Variants in LPA observed in about 807,000 individuals in gnomAD.
LPA encodes the protein apolipoprotein(a).
A neutral mutation model predicts 197.9 loss-of-function variants in LPA; 199 were observed. That is an observed-to-expected ratio of 1.01 (90% CI 0.90 to 1.13). The LOEUF is 1.13. LPA is among the 50% of genes most tolerant of loss of function. The pLI, the probability that LPA is intolerant of heterozygous loss-of-function variation, is 0.00. For missense variants in LPA, 1,853 were observed against 1,785.8 expected, an observed-to-expected ratio of 1.04 and a Z score of -0.68; for synonymous variants, 715 against 639.5, an observed-to-expected ratio of 1.12 and a Z score of -1.78.
At chr6:160,552,769 T>C (rs564788546) in intron 30 of LPA, among the ~76,000 whole-genome samples, 3 of 152,344 alleles carry the variant, frequency 2.0e-5, no homozygotes, top group African/African-American at 7.2e-5. Flanking sequence ...CACACTTAGC[T>C]GTGGTTTTTA....
intron 28 of LPA, among the ~76,000 whole-genome samples, chr6:160,567,817 C>T (rs1347086177): frequency 2.0e-5 from 3 of 152,160 alleles, no homozygotes; most frequent in African/African-American, 7.2e-5. Context: ...GGGGATATCA[C>T]TACCAATCCC....
intron 28 of LPA, among the ~76,000 whole-genome samples, chr6:160,568,328 T>C (rs1778500522): frequency 6.6e-6 from 1 of 151,132 alleles, no homozygotes; most frequent in Non-Finnish European, 1.5e-5. Flanking sequence ...GCAAGGCTGG[T>C]TCAACATATG....
chr6:160,607,750 C>G (rs1779390046), intron 16 of LPA, among the ~76,000 whole-genome samples: 1 of 152,126 alleles, frequency 6.6e-6, no homozygotes, highest in South Asian at 2.1e-4. Context: ...CCCTCCATTC[C>G]AGGAAGCTGG....
Position 160,531,608 on chromosome 6 carries a change from A to G in LPA, c.*121T>C, listed in dbSNP as rs930824083. ...AATACCAAAAATGCCAAGGTTTGGC[A>G]TAGCTGGTAGCTGGGAACAGTGTCT... On this transcript the variant is annotated 3_prime_UTR_variant, in exon 39 of 39. Coordinates refer to ENST00000316300, the MANE Select transcript of LPA (RefSeq NM_005577.4). The G allele has an allele frequency of 2.2e-6, 3 of 1,380,268 alleles. No individual in the cohort carries two copies. Among genetic ancestry groups the G allele is most frequent in the Admixed American group, 1.7e-5 (1 of 57,314 alleles). 85.5% of individuals were successfully genotyped at this position (1,380,268 alleles called of 1,614,324 possible).
At chr6:160,608,565 A>C (rs1779410201) in intron 16 of LPA, among the ~76,000 whole-genome samples, 1 of 152,158 alleles carries the variant, frequency 6.6e-6, no homozygotes, top group South Asian at 2.1e-4. Context: ...GTGAAGTACA[A>C]AAGTGCATCA....
chr6:160,596,778 A>G (rs1779141625), intron 20 of LPA, among the ~76,000 whole-genome samples: 1 of 152,160 alleles, frequency 6.6e-6, no homozygotes, highest in African/African-American at 2.4e-5. Flanking sequence ...TTGCAGTTTG[A>G]AATCTTGATT....
intron 16 of LPA, among the ~76,000 whole-genome samples, chr6:160,608,788 G>T (rs1779416033): frequency 6.6e-6 from 1 of 150,858 alleles, no homozygotes; most frequent in African/African-American, 2.5e-5. Context: ...GTGAGGTTCG[G>T]TTGGTTTTCT....
At chr6:160,541,229 C>A in intron 34 of LPA, 48 bp from the exon 35 acceptor site, 1 of 1,324,062 alleles carries the variant, frequency 7.6e-7, no homozygotes, top group Non-Finnish European at 1.1e-6. Flanking sequence ...ATGGTTTGTT[C>A]TACTTCATTG....
In LPA at chr6:160,599,573, C is replaced by A. The variant is rs775306650; in HGVS notation, c.3214G>T (p.Gly1072Ter). The A allele has an allele frequency of 6.2e-7, 1 of 1,614,082 alleles. No individual in the cohort carries two copies. ...YRGTYSTTVTGRTCQAWSSMT... is the reference protein window; with the variant it reads ...YRGTYSTTVT ...GATGACCAAGCTTGGCAAGTTCTTC[C>A]TGTGACAGTGGTGGAGTATGTGCCT... is the stretch of plus-strand genomic sequence containing the variant. The change falls in exon 20 of 39, where the codon GGA becomes TGA. Residue 1072 changes from glycine to a stop codon, truncating the protein, a stop_gained. Transcript: ENST00000316300. LOFTEE classifies it high-confidence loss of function.
chr6:160,599,746 G>T (rs1779202943), intron 19 of LPA, 87 bp from the exon 20 acceptor site: 1 of 1,439,890 alleles, frequency 6.9e-7, no homozygotes, highest in Admixed American at 1.7e-5. Flanking sequence ...CCAAAAAAGA[G>T]TCACTGAGAT....
chr6:160,599,350 CAA>C, intron 20 of LPA, 148 bp downstream of exon 20: 2 of 1,261,670 alleles, frequency 1.6e-6, no homozygotes, highest in South Asian at 2.5e-5. Flanking sequence ...CTCAAAAAAA[CAA>C]AGTCTTCTCT....
intron 24 of LPA, among the ~76,000 whole-genome samples, chr6:160,587,998 CTT>C (rs1282223930): frequency 6.6e-6 from 1 of 151,942 alleles, no homozygotes; most frequent in Non-Finnish European, 1.5e-5. Flanking sequence ...TGCTATTCTG[CTT>C]TTGTTTCTCT....
intron 18 of LPA, among the ~76,000 whole-genome samples, chr6:160,601,774 G>A (rs1303634513): frequency 6.6e-6 from 1 of 152,212 alleles, no homozygotes; most frequent in African/African-American, 2.4e-5. Context: ...CAGGCAGGAT[G>A]CAGTATCTCT....
intron 27 of LPA, among the ~76,000 whole-genome samples, chr6:160,578,103 AT>A (rs1307267093): frequency 6.6e-6 from 1 of 152,212 alleles, no homozygotes; most frequent in African/African-American, 2.4e-5. Context: ...CTAGGATATC[AT>A]ACTCAAAGGC....
intron 22 of LPA, 89 bp downstream of exon 22, chr6:160,593,869 T>A (rs1779078566): frequency 6.7e-7 from 1 of 1,488,156 alleles, no homozygotes; most frequent in African/African-American, 1.4e-5. Context: ...GAGATAAATT[T>A]GTCATAAGAA....
intron 30 of LPA, among the ~76,000 whole-genome samples, chr6:160,553,959 G>A (rs540202401): frequency 2.4e-4 from 35 of 148,500 alleles, no homozygotes; most frequent in East Asian, 1.9e-3. Context: ...GTGTGTGCGC[G>A]CGCGCGCGTG....
intron 20 of LPA, among the ~76,000 whole-genome samples, chr6:160,598,184 T>C (rs1292749352): frequency 2.0e-5 from 3 of 152,226 alleles, no homozygotes; most frequent in African/African-American, 7.2e-5. Context: ...TGTTCCCTTG[T>C]AGTTGTTGTT....
intron 28 of LPA, among the ~76,000 whole-genome samples, chr6:160,562,095 C>T (rs1450129096): frequency 6.6e-6 from 1 of 152,144 alleles, no homozygotes; most frequent in African/African-American, 2.4e-5. Flanking sequence ...ACAGAATTTC[C>T]AATACTATGT....
chr6:160,657,800 T>C (rs889033983), intron 1 of LPA, among the ~76,000 whole-genome samples: 3 of 152,220 alleles, frequency 2.0e-5, no homozygotes, highest in Admixed American at 1.3e-4. Context: ...TCTATGTCCC[T>C]TCCACCATTA....
Sources: allele counts gnomAD v4.1 joint callset (sites outside exome capture counted in the v4.1 genomes callset), GRCh38; gene constraint gnomAD v4.1.1; transcripts MANE v1.5; gene names NCBI Gene and HGNC (gene_info 2026-07-23, HGNC 2026-07-21).